The following UTRN variants were observed in gnomAD, a reference collection of about 807,000 sequenced individuals.
UTRN encodes the protein dystrophin-related protein 1.
UTRN carries 283 observed loss-of-function variants against 463.9 expected under a neutral mutation model. That is an observed-to-expected ratio of 0.61 (90% CI 0.55 to 0.67). UTRN has a LOEUF of 0.67. Ranked by LOEUF, UTRN falls within the 30% of genes least tolerant of loss-of-function variation. UTRN has a pLI of 0.00. For synonymous variants in UTRN, 1,442 were observed against 1,431.5 expected, an observed-to-expected ratio of 1.01 and a Z score of -0.17; for missense variants, 3,922 against 4,084.3, an observed-to-expected ratio of 0.96 and a Z score of 1.08.
intron 64 of UTRN, 122 bp from the exon 65 acceptor site, chr6:144,802,914 G>A (rs1036736655): frequency 4.7e-5 from 26 of 552,456 alleles, no homozygotes; most frequent in Non-Finnish European, 7.2e-5. Context: ...ATGTTTCAGA[G>A]ACTTGAACTC....
chr6:144,394,529 A>T (rs1243561894), intron 2 of UTRN, among the ~76,000 whole-genome samples: 3 of 152,308 alleles, frequency 2.0e-5, no homozygotes, highest in Middle Eastern at 3.4e-3. Flanking sequence ...GGACACAGAC[A>T]AACCATATCA....
chr6:144,548,654 CA>C lies in UTRN; in HGVS notation c.6614del (p.Lys2205ArgfsTer4). The C allele has an allele frequency of 6.2e-7, 1 of 1,613,268 alleles. No homozygotes were observed. Among genetic ancestry groups the C allele is most frequent in the Non-Finnish European group, 8.5e-7 (1 of 1,179,668 alleles). On this transcript the variant is annotated frameshift_variant, in exon 47 of 75. Transcript: ENST00000367545. LOFTEE classifies it high-confidence loss of function. Reference sequence around the variant, plus strand: ...TTTCATTTCAGCTCATCCTAATGTCCAAAAGGTGGTGCTAGTATCATCTGCG... The same window carrying C: ...TTTCATTTCAGCTCATCCTAATGTCCAAAGGTGGTGCTAGTATCATCTGCG... The part of the protein sequence containing the change: ...QTRIAAHPNV[Q>X]KVVLVSSASD...
chr6:144,414,030 T>C (rs1584684492), intron 3 of UTRN, among the ~76,000 whole-genome samples: 2 of 152,046 alleles, frequency 1.3e-5, no homozygotes, highest in South Asian at 4.2e-4. Flanking sequence ...CTCGAACTCC[T>C]GATCTCATGA....
chr6:144,481,325 A>G (rs527434454), intron 26 of UTRN, among the ~76,000 whole-genome samples: 7 of 152,278 alleles, frequency 4.6e-5, no homozygotes, highest in African/African-American at 1.2e-4. Flanking sequence ...TTTTGCACCA[A>G]CCTGATAGGT....
Position 144,751,871 on chromosome 6 carries a change from G to C in UTRN, c.8274G>C (p.Gln2758His). Residue 2758 changes from glutamine (Q) to histidine (H), a missense_variant, in exon 56 of 75, where the codon CAG becomes CAC. Gln to His is a conservative substitution (Grantham distance 24). Transcript: ENST00000367545. ...AAACGGTGAATGATTTATCCAGTCA[G>C]CTGTCTCCACTTGACCTGCATCCCT... ...KVKTVNDLSS[Q>H]LSPLDLHPSL... 6.2e-7 allele frequency: 1 copy of C among 1,612,146 alleles called. No homozygotes were observed. The highest frequency in any genetic ancestry group is 8.5e-7 in the Non-Finnish European group (1 of 1,179,040).
chr6:144,412,792 G>A (rs1183688913), intron 3 of UTRN, among the ~76,000 whole-genome samples: 1 of 128,474 alleles, frequency 7.8e-6, no homozygotes, highest in African/African-American at 3.8e-5. Flanking sequence ...CACACACACA[G>A]TAAACAATGG....
chr6:144,708,510 A>G, intron 53 of UTRN: 1 of 437,608 alleles, frequency 2.3e-6, no homozygotes, highest in East Asian at 4.7e-5. Context: ...AAGACACCAG[A>G]GAGGTCCTGG....
Position 144,846,842 on chromosome 6 carries a change from C to G in UTRN, c.10293+15C>G, listed in dbSNP as rs9403617. 180,042 of 1,613,568 alleles carry G rather than the reference C, an allele frequency of 0.11. 11,068 individuals are homozygous for G. Among genetic ancestry groups the G allele is most frequent in the African/African-American group, 0.21 (15,815 of 74,968 alleles). ...GCAGGCCACAGGTAAGAGTTAATGG[C>G]TTGGTTGGCTCTATGTTACTGATCC... On this transcript the variant is annotated intron_variant, in intron 74 of 74. Coordinates refer to ENST00000367545, the MANE Select transcript of UTRN (RefSeq NM_007124.3).
At chr6:144,655,301 T>C (rs542060699) in intron 51 of UTRN, among the ~76,000 whole-genome samples, 1 of 152,346 alleles carries the variant, frequency 6.6e-6, no homozygotes, top group South Asian at 2.1e-4. Context: ...TCGAAATGTA[T>C]GGACTGGTCT....
intron 8 of UTRN, among the ~76,000 whole-genome samples, chr6:144,429,313 T>C (rs1194574064): frequency 6.6e-6 from 1 of 152,202 alleles, no homozygotes; most frequent in Non-Finnish European, 1.5e-5. Flanking sequence ...TATCTTTATC[T>C]TAAATGGTAA....
At chr6:144,587,823 A>G (rs925190726) in intron 51 of UTRN, among the ~76,000 whole-genome samples, 2 of 152,150 alleles carry the variant, frequency 1.3e-5, no homozygotes, top group Admixed American at 1.3e-4. Context: ...TAACCAACTC[A>G]TACATAGATT....
At chr6:144,829,139 A>G (rs911839355) in intron 69 of UTRN, among the ~76,000 whole-genome samples, 1 of 152,148 alleles carries the variant, frequency 6.6e-6, no homozygotes, top group Non-Finnish European at 1.5e-5. Flanking sequence ...ACAGGTGTAT[A>G]TATTCATTCC....
chr6:144,505,514 A>C (rs1202186549), intron 34 of UTRN, among the ~76,000 whole-genome samples: 1 of 152,192 alleles, frequency 6.6e-6, no homozygotes, highest in Non-Finnish European at 1.5e-5. Flanking sequence ...TTATTTACCC[A>C]GAAGTCATTC....
At chr6:144,732,214 T>TA (rs1788610524) in intron 54 of UTRN, among the ~76,000 whole-genome samples, 2 of 92,312 alleles carry the variant, frequency 2.2e-5, no homozygotes, top group South Asian at 4.7e-4. Flanking sequence ...GTACTCTGTT[T>TA]TATATATATA....
intron 23 of UTRN, among the ~76,000 whole-genome samples, chr6:144,471,543 C>G (rs1048198832): frequency 2.0e-5 from 3 of 152,214 alleles, no homozygotes; most frequent in Admixed American, 2.0e-4. Context: ...TGAATGTATT[C>G]ACACTTTCTC....
intron 17 of UTRN, among the ~76,000 whole-genome samples, chr6:144,449,270 C>G (rs1297914130): frequency 2.6e-5 from 4 of 152,106 alleles, no homozygotes; most frequent in African/African-American, 7.2e-5. Flanking sequence ...AATGGACTAC[C>G]CCAATAATCG....
At chr6:144,414,271 A>C (rs1232424066) in intron 3 of UTRN, among the ~76,000 whole-genome samples, 1 of 152,184 alleles carries the variant, frequency 6.6e-6, no homozygotes, top group African/African-American at 2.4e-5. Context: ...CAAGATCTGG[A>C]GGTGGAAGAC....
chr6:144,592,515 C>T (rs1190045756), intron 51 of UTRN, among the ~76,000 whole-genome samples: 1 of 152,050 alleles, frequency 6.6e-6, no homozygotes, highest in East Asian at 1.9e-4. Flanking sequence ...GGACTACAGG[C>T]GTGCACCACC....
chr6:144,765,464 A>T (rs953372214), intron 58 of UTRN, among the ~76,000 whole-genome samples: 21 of 152,148 alleles, frequency 1.4e-4, no homozygotes, highest in Non-Finnish European at 2.9e-4. Flanking sequence ...CCCAGGCCAG[A>T]GTGCAGTGGT....
Sources: allele counts gnomAD v4.1 joint callset (sites outside exome capture counted in the v4.1 genomes callset), GRCh38; gene constraint gnomAD v4.1.1; transcripts MANE v1.5; gene names NCBI Gene and HGNC (gene_info 2026-07-23, HGNC 2026-07-21).